RARS1: variants seen among roughly 807,000 people sequenced by gnomAD.
RARS1 encodes the protein arginyl-tRNA synthetase 1.
A neutral mutation model predicts 78.7 loss-of-function variants in RARS1; 75 were observed. The observed-to-expected ratio is 0.95, with a 90% CI of 0.79 to 1.15. The LOEUF (loss-of-function observed/expected upper bound fraction) is 1.15. Among genes scored for constraint, RARS1 ranks in the 50% most tolerant of loss-of-function variants. The probability of loss-of-function intolerance (pLI) is 0.00; values close to 1 mark genes in which losing one functional copy is unlikely to be tolerated. For synonymous variants in RARS1, 273 were observed against 268.2 expected, an observed-to-expected ratio of 1.02 and a Z score of -0.18; for missense variants, 787 against 787.5, an observed-to-expected ratio of 1.00 and a Z score of 0.01.
At chr5:168,486,622 C>T in intron 1 of RARS1, 79 bp downstream of exon 1, 1 of 1,465,682 alleles carries the variant, frequency 6.8e-7, no homozygotes, top group Non-Finnish European at 9.3e-7. Context: ...GCTTCGGGGG[C>T]GGGACAGCTA....
chr5:168,500,476 G>A (rs1758293558), intron 7 of RARS1, 115 bp from the exon 8 acceptor site: 9 of 1,030,062 alleles, frequency 8.7e-6, no homozygotes, highest in African/African-American at 3.3e-5. Context: ...ACTTGTTCTC[G>A]TGTTTGTACT....
rs549614340 is a variant in RARS1, at chr5:168,504,209, C to A, written c.1058-1812C>A. On this transcript the variant is annotated intron_variant, in intron 9 of 14. Transcript: ENST00000231572. Reference sequence around the variant, plus strand: ...CCAGCCTGGGCAACAATGTGTGAGACCCTGTCTCTACAAATTAAAAAATTA... The same window carrying A: ...CCAGCCTGGGCAACAATGTGTGAGAACCTGTCTCTACAAATTAAAAAATTA... Among the ~76,000 whole-genome samples, 11 of 152,008 alleles carry A rather than the reference C, an allele frequency of 7.2e-5. No homozygotes were observed. In the South Asian group the frequency reaches 2.3e-3, roughly 32 times the overall value.
chr5:168,500,801 G>T, intron 8 of RARS1, 81 bp downstream of exon 8: 1 of 1,482,444 alleles, frequency 6.7e-7, no homozygotes, highest in Non-Finnish European at 9.1e-7. Flanking sequence ...ATTTGACTTT[G>T]AGTGATATTT....
intron 6 of RARS1, among the ~76,000 whole-genome samples, chr5:168,496,320 AG>A (rs1486715836): frequency 6.7e-6 from 1 of 150,208 alleles, no homozygotes; most frequent in Non-Finnish European, 1.5e-5. Context: ...CAGAGATAGC[AG>A]TGAGCTGAGA....
chr5:168,495,458 AC>A (rs1561820621), intron 6 of RARS1, 22 bp downstream of exon 6: 1 of 1,599,780 alleles, frequency 6.3e-7, no homozygotes, highest in Non-Finnish European at 8.5e-7. Context: ...TGCCTTGCGT[AC>A]TATTCTCTTT....
chr5:168,492,087 G>A (rs576400052), intron 2 of RARS1, among the ~76,000 whole-genome samples: 3 of 151,450 alleles, frequency 2.0e-5, no homozygotes, highest in Non-Finnish European at 2.9e-5. Flanking sequence ...GTTTTGTGAG[G>A]GTATGATAAG....
chr5:168,505,302 T>C lies in RARS1; in HGVS notation c.1058-719T>C, dbSNP rs191354945. On this transcript the variant is annotated intron_variant, in intron 9 of 14. Coordinates refer to ENST00000231572, the MANE Select transcript of RARS1 (RefSeq NM_002887.4). ...GCACTCTTAATAGCTGCTACTGTTA[T>C]CATGTTCTTCCTGTACCTTCTTGCA... 6.6e-5 allele frequency among the ~76,000 whole-genome samples: 10 copies of C among 152,306 alleles called. 1 individual carries two copies. The highest frequency in any genetic ancestry group is 6.2e-4 in the South Asian group (3 of 4,828).
chr5:168,516,927 G>A lies in RARS1; in HGVS notation c.1602G>A (p.Leu534=). The A allele has an allele frequency of 6.2e-7, 1 of 1,613,878 alleles. No individual in the cohort carries two copies. The highest frequency in any genetic ancestry group is 8.5e-7 in the Non-Finnish European group (1 of 1,179,890). The change falls in exon 13 of 15, where the codon TTG becomes TTA. Residue 534 remains leucine (L), a synonymous_variant. Coordinates refer to ENST00000231572, the MANE Select transcript of RARS1 (RefSeq NM_002887.4). ...ACAGAGGAAATACAGCTGCTTACTTGTTGTATGCCTTCACTAGAATCAGGT... is the reference window on the plus strand; with the variant it reads ...ACAGAGGAAATACAGCTGCTTACTTATTGTATGCCTTCACTAGAATCAGGT... The part of the protein sequence containing the change: ...LDDRGNTAAY[L]LYAFTRIRSI...
intron 1 of RARS1, 98 bp from the exon 2 acceptor site, chr5:168,488,504 G>A (rs1654264205): frequency 3.9e-6 from 5 of 1,270,720 alleles, no homozygotes; most frequent in Admixed American, 2.4e-5. Context: ...TCATCAAAGG[G>A]AACATTAATG....
At chr5:168,495,257 C>A (rs1758160100) in intron 5 of RARS1, 58 bp from the exon 6 acceptor site, 15 of 1,552,968 alleles carry the variant, frequency 9.7e-6, no homozygotes, top group African/African-American at 1.4e-5. Context: ...TTAAAAAAAT[C>A]TTTCTCTCTT....
chr5:168,494,982 T>C, intron 5 of RARS1: 2 of 331,514 alleles, frequency 6.0e-6, no homozygotes, highest in Non-Finnish European at 5.4e-6. Flanking sequence ...GCCTTTCCCC[T>C]GGGTCTAGCA....
In RARS1 at chr5:168,506,749, G is replaced by A. The variant is rs1441394380; in HGVS notation, c.1264G>A (p.Ala422Thr). 1.2e-6 allele frequency: 2 copies of A among 1,613,468 alleles called. No individual in the cohort carries two copies. The highest frequency in any genetic ancestry group is 1.7e-6 in the Non-Finnish European group (2 of 1,179,682). ...QSVHFQTIFAAAQMIGWYDPK... is the reference protein window; with the variant it reads ...QSVHFQTIFATAQMIGWYDPK... ...TGTGCACTTCCAGACAATATTTGCTGCTGCTCAAATGATTGGTTGGTATGA... is the reference window on the plus strand; with the variant it reads ...TGTGCACTTCCAGACAATATTTGCTACTGCTCAAATGATTGGTTGGTATGA... Residue 422 changes from alanine to threonine, a missense_variant, in exon 11 of 15, where the codon GCT (alanine) becomes ACT (threonine). Transcript: ENST00000231572.
chr5:168,519,156 A>G lies in RARS1; in HGVS notation c.1949A>G (p.Asp650Gly). 1 of 1,613,994 alleles carries G rather than the reference A, an allele frequency of 6.2e-7. No individual in the cohort carries two copies. Among genetic ancestry groups the G allele is most frequent in the South Asian group, 1.1e-5 (1 of 91,068 alleles). The stretch of plus-strand genomic sequence containing the variant: ...GCTGCTGTCATGGCCAAGGGGTTTG[A>G]TATCCTGGGAATAAAACCTGTCCAA... The part of the protein sequence containing the change: ...AVAAVMAKGF[D>G]ILGIKPVQRM Residue 650 changes from aspartate to glycine, a missense_variant, in exon 15 of 15, where the codon GAT (aspartate) becomes GGT (glycine). Coordinates refer to ENST00000231572, the MANE Select transcript of RARS1 (RefSeq NM_002887.4).
Position 168,516,790 on chromosome 5 carries a change from G to A in RARS1, c.1465G>A (p.Glu489Lys), listed in dbSNP as rs11557638. 1.9e-4 allele frequency: 314 copies of A among 1,614,046 alleles called. No homozygotes were observed. The highest frequency in any genetic ancestry group is 1.1e-3 in the Admixed American group (65 of 59,996). ...EKERDKVLTA[E>K]ELNAAQTSVA... Reference sequence around the variant, plus strand: ...GTTTTTCCCAAAGGTCTTAACTGCAGAGGAATTGAATGCTGCTCAGACATC... The same window carrying A: ...GTTTTTCCCAAAGGTCTTAACTGCAAAGGAATTGAATGCTGCTCAGACATC... The change falls in exon 13 of 15, where the codon GAG becomes AAG. Residue 489 changes from glutamate (E) to lysine (K), a missense_variant. Coordinates refer to ENST00000231572, the MANE Select transcript of RARS1 (RefSeq NM_002887.4).
intron 13 of RARS1, 120 bp downstream of exon 13, chr5:168,517,070 C>T (rs1758680513): frequency 8.7e-6 from 9 of 1,032,502 alleles, no homozygotes; most frequent in Non-Finnish European, 1.3e-5. Context: ...ATGATCCTCC[C>T]ACCTCAGCCT....
At chr5:168,490,100 C>T (rs1361709575) in intron 2 of RARS1, among the ~76,000 whole-genome samples, 1 of 152,186 alleles carries the variant, frequency 6.6e-6, no homozygotes, top group Non-Finnish European at 1.5e-5. Flanking sequence ...AGGCGTGAGC[C>T]ACCGTGCCCG....
In RARS1 at chr5:168,486,474, T is replaced by G; in HGVS notation, c.-25T>G. 6.4e-7 allele frequency: 1 copy of G among 1,554,578 alleles called. No homozygotes were observed. The highest frequency in any genetic ancestry group is 8.7e-7 in the Non-Finnish European group (1 of 1,148,044). On this transcript the variant is annotated 5_prime_UTR_variant, in exon 1 of 15. Transcript: ENST00000231572. ...CTGACCGTTTCCGCTTCCGTCCACT[T>G]GGCGAGTGAGACGCTGATGGGAGGA...
At position 168,502,046 on chromosome 5, in the gene RARS1, G is replaced by GA. The variant is rs1174929884; in HGVS notation, c.999dup (p.Gly334ArgfsTer8). ...GCATTGGACGTCTCTTTAATAGAGA[G>GA]AGGGGAATCCTTCTATCAAGATAGG... On this transcript the variant is annotated frameshift_variant, in exon 9 of 15. Transcript: ENST00000231572. LOFTEE classifies it high-confidence loss of function. The GA allele has an allele frequency of 6.2e-7, 1 of 1,604,814 alleles. No individual in the cohort carries two copies. The highest frequency in any genetic ancestry group is 8.5e-7 in the Non-Finnish European group (1 of 1,175,874).
At chr5:168,489,294 T>C (rs2152903240) in intron 2 of RARS1, among the ~76,000 whole-genome samples, 1 of 152,312 alleles carries the variant, frequency 6.6e-6, no homozygotes, top group South Asian at 2.1e-4. Flanking sequence ...GTGTTGGAAT[T>C]ACAAGTATAA....
Sources: allele counts gnomAD v4.1 joint callset (sites outside exome capture counted in the v4.1 genomes callset), GRCh38; gene constraint gnomAD v4.1.1; transcripts MANE v1.5; gene names NCBI Gene and HGNC (gene_info 2026-07-23, HGNC 2026-07-21).